The following ANKS1B variants were observed in gnomAD, a reference collection of about 807,000 sequenced individuals.
The protein encoded by ANKS1B is ankyrin repeat and sterile alpha motif domain-containing protein 1B.
In ANKS1B, 36 loss-of-function variants were observed where a neutral mutation model predicts 148.3. The observed-to-expected ratio is 0.24, with a 90% CI of 0.19 to 0.32. ANKS1B has a LOEUF of 0.32. Ranked by LOEUF, ANKS1B falls within the 10% of genes least tolerant of loss-of-function variation. The pLI is 1.00. For missense variants in ANKS1B, 1,157 were observed against 1,542.6 expected (o/e 0.75, Z 4.19); for synonymous variants, 542 against 560.8 (o/e 0.97, Z 0.47).
chr12:99,149,966 C>T (rs2074383918), intron 15 of ANKS1B, among the ~76,000 whole-genome samples: 2 of 152,068 alleles, frequency 1.3e-5, no homozygotes, highest in Admixed American at 6.6e-5. Context: ...GATGTGCATG[C>T]AAATAATATA....
At chr12:99,096,743 G>T (rs2056289278) in intron 15 of ANKS1B, among the ~76,000 whole-genome samples, 1 of 152,160 alleles carries the variant, frequency 6.6e-6, no homozygotes, top group Non-Finnish European at 1.5e-5. Flanking sequence ...CAACCTGAAA[G>T]AAATACAGGG....
At chr12:98,917,472 G>C (rs1225963850) in intron 17 of ANKS1B, among the ~76,000 whole-genome samples, 1 of 152,058 alleles carries the variant, frequency 6.6e-6, no homozygotes, top group African/African-American at 2.4e-5. Flanking sequence ...ATCACTCTTT[G>C]GTCCTTCAGT....
At chr12:99,047,341 A>T (rs941414822) in intron 17 of ANKS1B, among the ~76,000 whole-genome samples, 3 of 152,218 alleles carry the variant, frequency 2.0e-5, no homozygotes, top group African/African-American at 7.2e-5. Flanking sequence ...CGGAGGTTGC[A>T]GTGAGCTGAG....
chr12:99,390,366 T>C (rs896967153), intron 12 of ANKS1B, among the ~76,000 whole-genome samples: 1 of 152,040 alleles, frequency 6.6e-6, no homozygotes, highest in African/African-American at 2.4e-5. Context: ...AGCAAGTCAA[T>C]AGACTTAAAA....
intron 11 of ANKS1B, among the ~76,000 whole-genome samples, chr12:99,422,651 T>C (rs2095125470): frequency 6.6e-6 from 1 of 152,110 alleles, no homozygotes; most frequent in African/African-American, 2.4e-5. Context: ...TAAAAGGTGG[T>C]TGATGTGTTC....
chr12:99,211,357 A>G (rs1438852581), intron 14 of ANKS1B, among the ~76,000 whole-genome samples: 2 of 152,170 alleles, frequency 1.3e-5, no homozygotes, highest in Non-Finnish European at 2.9e-5. Flanking sequence ...AAATCCCCAA[A>G]CAAGCCAGTT....
At chr12:99,705,865 C>T (rs1600181738) in intron 8 of ANKS1B, among the ~76,000 whole-genome samples, 1 of 151,924 alleles carries the variant, frequency 6.6e-6, no homozygotes, top group East Asian at 1.9e-4. Flanking sequence ...TACACATAAA[C>T]ATGTTAAGAA....
At chr12:99,195,885 C>T (rs1007833562) in intron 14 of ANKS1B, among the ~76,000 whole-genome samples, 2 of 151,754 alleles carry the variant, frequency 1.3e-5, no homozygotes, top group Non-Finnish European at 2.9e-5. Flanking sequence ...ATTTAAGGCG[C>T]AAGAAAATAT....
At chr12:98,832,674 GTGC>G (rs1401916015) in intron 17 of ANKS1B, among the ~76,000 whole-genome samples, 1 of 152,110 alleles carries the variant, frequency 6.6e-6, no homozygotes, top group Non-Finnish European at 1.5e-5. Context: ...TCTGGACACT[GTGC>G]TGCTGATGTC....
intron 9 of ANKS1B, among the ~76,000 whole-genome samples, chr12:99,616,949 AAAAC>A (rs1567486162): frequency 6.6e-6 from 1 of 152,202 alleles, no homozygotes; most frequent in African/African-American, 2.4e-5. Context: ...ACAAGAAAAA[AAAAC>A]AAACAACCCC....
At chr12:99,639,217 G>T (rs1297827056) in intron 9 of ANKS1B, among the ~76,000 whole-genome samples, 2 of 152,204 alleles carry the variant, frequency 1.3e-5, no homozygotes, top group Non-Finnish European at 2.9e-5. Flanking sequence ...TTTCAGACTT[G>T]CACGGGGCCT....
chr12:98,866,123 T>C lies in ANKS1B; in HGVS notation c.2779-33987A>G, dbSNP rs545860452. On this transcript the variant is annotated intron_variant, in intron 17 of 26. Coordinates refer to ENST00000683438, the MANE Select transcript of ANKS1B (RefSeq NM_001352186.2). ...AGGAGTTAGGATTTCAATATATAAATTCTGGGGAGACACAAACGTTCATAT... is the reference window on the plus strand; with the variant it reads ...AGGAGTTAGGATTTCAATATATAAACTCTGGGGAGACACAAACGTTCATAT... 7.4e-4 allele frequency among the ~76,000 whole-genome samples: 113 copies of C among 152,182 alleles called. 1 individual carries two copies. The highest frequency in any genetic ancestry group is 9.7e-4 in the East Asian group (5 of 5,170).
intron 8 of ANKS1B, among the ~76,000 whole-genome samples, chr12:99,674,712 T>C (rs1394848814): frequency 1.3e-5 from 2 of 151,934 alleles, no homozygotes; most frequent in South Asian, 2.1e-4. Flanking sequence ...ATAGGCATTT[T>C]CTTTTAAAGG....
At chr12:98,857,201 C>G (rs2099576346) in intron 17 of ANKS1B, among the ~76,000 whole-genome samples, 1 of 152,144 alleles carries the variant, frequency 6.6e-6, no homozygotes, top group Admixed American at 6.5e-5. Context: ...AAGACATTTT[C>G]AAAGAGGTGA....
At chr12:99,561,303 C>A (rs1313330211) in intron 9 of ANKS1B, among the ~76,000 whole-genome samples, 1 of 152,182 alleles carries the variant, frequency 6.6e-6, no homozygotes, top group Non-Finnish European at 1.5e-5. Flanking sequence ...AACCCTGCCA[C>A]TACTTTATCA....
chr12:98,755,187 T>G (rs2098204206), intron 25 of ANKS1B, among the ~76,000 whole-genome samples: 1 of 152,164 alleles, frequency 6.6e-6, no homozygotes, highest in Admixed American at 6.5e-5. Flanking sequence ...AACCCCCATT[T>G]TTTTGTAGGT....
chr12:99,023,821 TATGA>T (rs2099947208), intron 17 of ANKS1B, among the ~76,000 whole-genome samples: 1 of 149,704 alleles, frequency 6.7e-6, no homozygotes, highest in Admixed American at 6.7e-5. Flanking sequence ...TATATTTGTA[TATGA>T]ATATTACATA....
intron 17 of ANKS1B, among the ~76,000 whole-genome samples, chr12:98,854,585 G>C (rs2099551840): frequency 6.6e-6 from 1 of 152,182 alleles, no homozygotes; most frequent in Non-Finnish European, 1.5e-5. Context: ...CTTCACCATG[G>C]AGCCAAAGCC....
chr12:99,420,180 T>C (rs574857525), intron 11 of ANKS1B, among the ~76,000 whole-genome samples: 1 of 152,318 alleles, frequency 6.6e-6, no homozygotes, highest in African/African-American at 2.4e-5. Flanking sequence ...ATGAATACAC[T>C]TTCCATTACA....
Sources: gnomAD v4.1 joint callset for allele counts (sites outside exome capture counted in the v4.1 genomes callset) on GRCh38, gnomAD v4.1.1 for gene constraint, MANE v1.5 for transcripts, NCBI Gene and HGNC (gene_info 2026-07-23, HGNC 2026-07-21) for gene names.